The following TUSC3 variants were observed in gnomAD, a reference collection of about 807,000 sequenced individuals.
The protein encoded by TUSC3 is dolichyl-diphosphooligosaccharide--protein glycosyltransferase subunit TUSC3.
Under a neutral mutation model 44.8 loss-of-function variants are expected in TUSC3, and 45 were observed. That is an observed-to-expected ratio of 1.00 (90% confidence interval 0.79 to 1.29). TUSC3 has a LOEUF of 1.29. Among genes scored for constraint, TUSC3 ranks in the 50% most tolerant of loss-of-function variants. The pLI is 0.00. For synonymous variants in TUSC3, 212 were observed against 152.9 expected (o/e 1.39, Z -2.85); for missense variants, 519 against 437.9 (o/e 1.19, Z -1.65).
At chr8:15,813,769 G>GT in the TUSC3 span, among the ~76,000 whole-genome samples, 28,090 of 149,018 alleles carry the variant, frequency 0.19, 2,845 homozygotes, top group East Asian at 0.33. Context: ...TGTGAAAGAG[G>GT]TTTTTTTTTT....
chr8:15,804,679 A>G, the TUSC3 span, among the ~76,000 whole-genome samples: 3 of 152,096 alleles, frequency 2.0e-5, no homozygotes, highest in African/African-American at 7.2e-5. Context: ...CCATTGGTCT[A>G]TGTGTCTGCT....
At chr8:15,763,583 T>C (rs1220817052) in intron 10 of TUSC3, among the ~76,000 whole-genome samples, 1 of 152,062 alleles carries the variant, frequency 6.6e-6, no homozygotes, top group African/African-American at 2.4e-5. Context: ...ATAAATGTTA[T>C]TTAAATTGAT....
At chr8:15,716,894 T>G (rs575767447) in intron 6 of TUSC3, among the ~76,000 whole-genome samples, 1 of 152,196 alleles carries the variant, frequency 6.6e-6, no homozygotes, top group African/African-American at 2.4e-5. Flanking sequence ...AATAGCTTCA[T>G]TTGAGAAATT....
chr8:15,504,931 C>T (rs1176104536), intron 2 of TUSC3, among the ~76,000 whole-genome samples: 2 of 151,868 alleles, frequency 1.3e-5, no homozygotes, highest in Admixed American at 6.6e-5. Context: ...GGATTACAGG[C>T]AATTTTGCGT....
intron 6 of TUSC3, among the ~76,000 whole-genome samples, chr8:15,722,953 G>A (rs2129204912): frequency 6.6e-6 from 1 of 152,158 alleles, no homozygotes; most frequent in African/African-American, 2.4e-5. Flanking sequence ...GTTATTTAGT[G>A]TTATTTAGTC....
chr8:15,444,836 C>G (rs189782352), intron 1 of TUSC3, among the ~76,000 whole-genome samples: 2 of 152,290 alleles, frequency 1.3e-5, no homozygotes, highest in South Asian at 2.1e-4. Context: ...ACTATTTCTT[C>G]TTTCCCTCAT....
intron 1 of TUSC3, among the ~76,000 whole-genome samples, chr8:15,570,907 A>G (rs1440732111): frequency 1.4e-5 from 2 of 144,056 alleles, no homozygotes; most frequent in Admixed American, 7.0e-5. Flanking sequence ...GATCTTATAT[A>G]TATTAAAACA....
chr8:15,454,090 G>A (rs1800226180), intron 1 of TUSC3, among the ~76,000 whole-genome samples: 1 of 152,148 alleles, frequency 6.6e-6, no homozygotes, highest in South Asian at 2.1e-4. Context: ...CCCCTCCCAA[G>A]TGCTGGCAGG....
intron 1 of TUSC3, among the ~76,000 whole-genome samples, chr8:15,453,506 T>G (rs1467425077): frequency 6.6e-6 from 1 of 152,198 alleles, no homozygotes; most frequent in Non-Finnish European, 1.5e-5. Flanking sequence ...GCAAATTGAC[T>G]TAATGCAACT....
intron 6 of TUSC3, among the ~76,000 whole-genome samples, chr8:15,704,824 C>T (rs747934714): frequency 9.9e-5 from 15 of 151,974 alleles, no homozygotes; most frequent in East Asian, 1.9e-4. Flanking sequence ...TTACTTCTTA[C>T]GTTTGATTTT....
chr8:15,705,263 G>T (rs979148398), intron 6 of TUSC3, among the ~76,000 whole-genome samples: 1 of 151,850 alleles, frequency 6.6e-6, no homozygotes, highest in African/African-American at 2.4e-5. Context: ...CTTATGATGA[G>T]TGGAGTTTCA....
chr8:15,637,665 TA>T (rs1042562783), intron 2 of TUSC3, among the ~76,000 whole-genome samples: 11 of 151,558 alleles, frequency 7.3e-5, no homozygotes, highest in African/African-American at 1.2e-4. Context: ...ACTTTTTTTT[TA>T]CCCCTTTCCT....
chr8:15,452,961 G>A (rs542016964), intron 1 of TUSC3, among the ~76,000 whole-genome samples: 1 of 151,910 alleles, frequency 6.6e-6, no homozygotes, highest in South Asian at 2.1e-4. Context: ...TGCACCACCA[G>A]ACCAGATAGC....
chr8:15,490,432 A>G (rs1216229955), intron 2 of TUSC3, among the ~76,000 whole-genome samples: 1 of 152,060 alleles, frequency 6.6e-6, no homozygotes, highest in Non-Finnish European at 1.5e-5. Flanking sequence ...CACCACTACC[A>G]TCATCACCAC....
intron 6 of TUSC3, among the ~76,000 whole-genome samples, chr8:15,723,234 G>T (rs537319875): frequency 2.0e-5 from 3 of 152,210 alleles, no homozygotes; most frequent in Non-Finnish European, 4.4e-5. Flanking sequence ...AACAGATCGT[G>T]CAGTAAGTTC....
At chr8:15,836,220 A>C in the TUSC3 span, among the ~76,000 whole-genome samples, 7 of 152,114 alleles carry the variant, frequency 4.6e-5, no homozygotes, top group Admixed American at 3.9e-4. Context: ...ACATGCCTGT[A>C]ATCCCAGCAC....
intron 2 of TUSC3, among the ~76,000 whole-genome samples, chr8:15,496,645 T>A (rs1800884101): frequency 6.6e-6 from 1 of 152,200 alleles, no homozygotes; most frequent in East Asian, 1.9e-4. Flanking sequence ...AGTGGTTAAG[T>A]GGGGAGTAGG....
At chr8:15,806,574 A>C in the TUSC3 span, 1 of 1,463,530 alleles carries the variant, frequency 6.8e-7, no homozygotes, top group Non-Finnish European at 9.6e-7. Context: ...ATAACATCCC[A>C]GATACTATCA....
At chr8:15,831,463 G>A in the TUSC3 span, among the ~76,000 whole-genome samples, 1 of 152,042 alleles carries the variant, frequency 6.6e-6, no homozygotes, top group Non-Finnish European at 1.5e-5. Context: ...TGGGTGAAAT[G>A]ACAGAAATAG....
Sources: gnomAD v4.1 joint callset for allele counts (sites outside exome capture counted in the v4.1 genomes callset) on GRCh38, gnomAD v4.1.1 for gene constraint, MANE v1.5 for transcripts, NCBI Gene and HGNC (gene_info 2026-07-23, HGNC 2026-07-21) for gene names.